Variants in ACSS2 observed in about 807,000 individuals in gnomAD.
ACSS2 encodes acetyl-coenzyme A synthetase, cytoplasmic.
ACSS2 carries 58 observed loss-of-function variants against 90.6 expected under a neutral mutation model. The ratio of observed to expected loss-of-function variants is 0.64; its 90% confidence interval spans 0.52 to 0.80. The LOEUF (loss-of-function observed/expected upper bound fraction) is 0.80, where lower values mean the gene tolerates loss of function less well. Ranked by LOEUF, ACSS2 falls within the 30% of genes least tolerant of loss-of-function variation. The pLI, the probability that ACSS2 is intolerant of heterozygous loss-of-function variation, is 0.00. For synonymous variants in ACSS2, 300 were observed against 330.9 expected (o/e 0.91, Z 1.01); for missense variants, 759 against 912.0 (o/e 0.83, Z 2.16).
intron 2 of ACSS2, among the ~76,000 whole-genome samples, chr20:34,898,863 C>G (rs114913596): frequency 7.7e-6 from 1 of 129,488 alleles, no homozygotes; most frequent in African/African-American, 2.9e-5. Flanking sequence ...CGGTGCTCGT[C>G]GGGGGGGCTC....
intron 7 of ACSS2, chr20:34,915,117 T>C: frequency 3.9e-6 from 5 of 1,281,558 alleles, no homozygotes; most frequent in Non-Finnish European, 5.7e-6. Context: ...GGAGGACCAG[T>C]GAGAAGGGAG....
At chr20:34,917,093 A>C (rs1269517706) in intron 7 of ACSS2, among the ~76,000 whole-genome samples, 1 of 152,164 alleles carries the variant, frequency 6.6e-6, no homozygotes, top group Non-Finnish European at 1.5e-5. Context: ...ACCCACCCAC[A>C]AAAGAAATAA....
intron 8 of ACSS2, 104 bp from the exon 9 acceptor site, chr20:34,920,435 C>A: frequency 8.6e-7 from 1 of 1,160,614 alleles, no homozygotes; most frequent in Admixed American, 2.3e-5. Context: ...GCTGGCAGGG[C>A]TGGAATCCCT....
rs112876003 is a variant in ACSS2 at position 34,913,118 on chromosome 20, A to G, written c.397A>G (p.Thr133Ala). The change falls in exon 3 of 18, where the codon ACC (threonine) becomes GCC (alanine). Residue 133 changes from threonine (T) to alanine (A), a missense_variant. By Grantham distance (58) the Thr-to-Ala change is moderately conservative (BLOSUM62 0). Transcript: ENST00000360596. ...CAGGGAGGGCAATGAGCCAGGGGAG[A>G]CCACTCAGATCACATACCATCAGCT... Reference protein sequence around the residue: ...FYWEGNEPGETTQITYHQLLV... With the variant: ...FYWEGNEPGEATQITYHQLLV... The G allele has an allele frequency of 8.1e-6, 13 of 1,614,070 alleles. No individual in the cohort carries two copies. Among genetic ancestry groups the G allele is most frequent in the African/African-American group, 4.0e-5 (3 of 74,984 alleles).
chr20:34,894,332 T>A (rs1171127945), intron 2 of ACSS2, among the ~76,000 whole-genome samples: 1 of 151,614 alleles, frequency 6.6e-6, no homozygotes, highest in Non-Finnish European at 1.5e-5. Context: ...CTATAAAAAA[T>A]TTTAAAATTA....
rs1600371886 is a variant in ACSS2, at chr20:34,927,147, T to C, written c.2039T>C (p.Met680Thr). 3 of 1,614,136 alleles carry C rather than the reference T, an allele frequency of 1.9e-6. No homozygotes were observed. The highest frequency in any genetic ancestry group is 1.3e-5 in the African/African-American group (1 of 75,014). The change falls in exon 18 of 18, where the codon ATG becomes ACG. Residue 680 changes from methionine (M) to threonine (T), a missense_variant. Transcript: ENST00000360596. The surrounding 1 kb of genome is among the most constrained non-coding windows in gnomAD (Gnocchi z 4.2). ...IAQNDHDLGD[M>T]STVADPSVIS... ...CAGAATGACCATGACCTCGGGGACA[T>C]GTCTACTGTGGCTGACCCATCTGTC... is the stretch of plus-strand genomic sequence containing the variant.
At chr20:34,909,194 CA>C (rs759144830) in intron 2 of ACSS2, among the ~76,000 whole-genome samples, 919 of 45,102 alleles carry the variant, frequency 0.02, 19 homozygotes, top group Admixed American at 0.13. Context: ...CCTGTCTTTG[CA>C]AAAAAAAAAA....
intron 7 of ACSS2, among the ~76,000 whole-genome samples, chr20:34,918,041 G>A (rs1399918585): frequency 6.6e-6 from 1 of 152,110 alleles, no homozygotes; most frequent in Non-Finnish European, 1.5e-5. Context: ...ACAGGCGTGA[G>A]CCACCGCGCC....
At chr20:34,884,803 A>T (rs1420591332) in intron 2 of ACSS2, among the ~76,000 whole-genome samples, 1 of 152,224 alleles carries the variant, frequency 6.6e-6, no homozygotes, top group African/African-American at 2.4e-5. Flanking sequence ...TCATGCCTGT[A>T]ATCCCAGCAC....
At chr20:34,902,434 G>A (rs2080685370) in intron 2 of ACSS2, among the ~76,000 whole-genome samples, 1 of 152,156 alleles carries the variant, frequency 6.6e-6, no homozygotes, top group South Asian at 2.1e-4. Flanking sequence ...TACTTAGGGT[G>A]GTCAGGGAAA....
rs374743810 is a variant in ACSS2, at chr20:34,906,540, G to GGT, written c.375-6537_375-6536dup. ...AGCCAAGGAGAGGAATGCACACTGTGGTGTGTGTGTGTGTGTGTGTTTCAC... is the reference window on the plus strand; with the variant it reads ...AGCCAAGGAGAGGAATGCACACTGTGGTGTGTGTGTGTGTGTGTGTGTTTCAC... On this transcript the variant is annotated intron_variant, in intron 2 of 17. Coordinates refer to ENST00000360596, the MANE Select transcript of ACSS2 (RefSeq NM_018677.4). 3.5e-3 allele frequency among the ~76,000 whole-genome samples: 531 copies of GGT among 150,326 alleles called. 5 individuals carry two copies. The highest frequency in any genetic ancestry group is 8.3e-3 in the African/African-American group (339 of 41,026).
At chr20:34,879,403 T>G (rs1346903783) in intron 1 of ACSS2, among the ~76,000 whole-genome samples, 1 of 151,994 alleles carries the variant, frequency 6.6e-6, no homozygotes, top group Non-Finnish European at 1.5e-5. Flanking sequence ...CCACTTCCAA[T>G]AGAGCATTCA....
upstream of ACSS2, chr20:34,876,497 T>A: frequency 3.9e-5 from 32 of 813,758 alleles, no homozygotes; most frequent in Non-Finnish European, 4.7e-5. Flanking sequence ...CCGCCCCCTC[T>A]GGCACCGCCC....
chr20:34,881,145 C>T (rs1039009888), intron 1 of ACSS2, among the ~76,000 whole-genome samples: 3 of 150,334 alleles, frequency 2.0e-5, no homozygotes, highest in Admixed American at 6.7e-5. Context: ...TCCTGCCTCA[C>T]GCTCCTGAGT....
At position 34,927,246 on chromosome 20, in the gene ACSS2, C is replaced by T; in HGVS notation, c.*32C>T. On this transcript the variant is annotated 3_prime_UTR_variant, in exon 18 of 18. Transcript: ENST00000360596. This position sits in a 1 kb window ranked among gnomAD's most constrained non-coding sequence, Gnocchi z 4.2. Reference sequence around the variant, plus strand: ...TCCTGACCTTTACCTAGGATTCCTCCTGCTCCAAACTTTGCCCATCCTCTT... The same window carrying T: ...TCCTGACCTTTACCTAGGATTCCTCTTGCTCCAAACTTTGCCCATCCTCTT... The T allele has an allele frequency of 6.2e-7, 1 of 1,609,806 alleles. No homozygotes were observed. Among genetic ancestry groups the T allele is most frequent in the Non-Finnish European group, 8.5e-7 (1 of 1,179,560 alleles).
chr20:34,903,523 A>G (rs188458244), intron 2 of ACSS2, among the ~76,000 whole-genome samples: 100 of 152,144 alleles, frequency 6.6e-4, no homozygotes, highest in African/African-American at 2.3e-3. Flanking sequence ...ACATCTCTCA[A>G]TATCTTCTCT....
At chr20:34,880,924 A>G (rs879835494) in intron 1 of ACSS2, among the ~76,000 whole-genome samples, 14 of 151,454 alleles carry the variant, frequency 9.2e-5, no homozygotes, top group Non-Finnish European at 1.5e-4. Context: ...CTTAGCTTCT[A>G]TGAATTTTAT....
intron 13 of ACSS2, 145 bp downstream of exon 13, chr20:34,922,011 C>T: frequency 6.9e-7 from 1 of 1,448,122 alleles, no homozygotes; most frequent in Admixed American, 2.7e-5. Flanking sequence ...ACTGAGAGAC[C>T]CTGGAGGGGA....
chr20:34,879,527 A>ACACACC (rs1411624405), intron 1 of ACSS2, among the ~76,000 whole-genome samples: 4 of 70,684 alleles, frequency 5.7e-5, no homozygotes, highest in Non-Finnish European at 7.9e-5. Context: ...ACACACACAC[A>ACACACC]CCCCTACCCC....
Sources: allele counts gnomAD v4.1 joint callset (sites outside exome capture counted in the v4.1 genomes callset), GRCh38; gene constraint gnomAD v4.1.1; non-coding constraint Gnocchi (gnomAD v3.1); transcripts MANE v1.5; gene names NCBI Gene and HGNC (gene_info 2026-07-23, HGNC 2026-07-21).